SDC2: variants seen among roughly 807,000 people sequenced by gnomAD.
SDC2 encodes the protein syndecan-2.
Under a neutral mutation model 22.2 loss-of-function variants are expected in SDC2, and 13 were observed. The ratio of observed to expected loss-of-function variants is 0.59; its 90% CI spans 0.38 to 0.93. SDC2 has a LOEUF of 0.93. SDC2 is among the 40% of genes least tolerant of loss of function. The pLI is 0.00. For missense variants in SDC2, 235 were observed against 246.8 expected, an observed-to-expected ratio of 0.95 and a Z score of 0.32; for synonymous variants, 94 against 92.8, an observed-to-expected ratio of 1.01 and a Z score of -0.07.
chr8:96,562,625 T>C (rs1449323655), intron 1 of SDC2, among the ~76,000 whole-genome samples: 1 of 152,196 alleles, frequency 6.6e-6, no homozygotes, highest in African/African-American at 2.4e-5. Flanking sequence ...TTCTAACTGA[T>C]GAGATAATTA....
chr8:96,559,902 C>A (rs959700564), intron 1 of SDC2, among the ~76,000 whole-genome samples: 2 of 152,098 alleles, frequency 1.3e-5, no homozygotes, highest in Non-Finnish European at 2.9e-5. Context: ...AGTTTGTATT[C>A]TTGATAATTT....
intron 1 of SDC2, among the ~76,000 whole-genome samples, chr8:96,539,115 GTTTTTC>G (rs1196460312): frequency 1.3e-5 from 2 of 152,128 alleles, no homozygotes; most frequent in Admixed American, 6.5e-5. Context: ...TAATTTTCTC[GTTTTTC>G]TTTTAAATAA....
intron 1 of SDC2, among the ~76,000 whole-genome samples, chr8:96,513,974 G>A (rs760161513): frequency 5.3e-5 from 8 of 152,104 alleles, no homozygotes; most frequent in Admixed American, 1.3e-4. Flanking sequence ...GATTCTGTAC[G>A]ACATTTTAAA....
At chr8:96,494,929 C>G (rs560659499) in intron 1 of SDC2, among the ~76,000 whole-genome samples, 6 of 152,220 alleles carry the variant, frequency 3.9e-5, no homozygotes, top group African/African-American at 1.2e-4. Flanking sequence ...ACCGACACTA[C>G]GTGGAATCGC....
chr8:96,533,933 G>T (rs1221992715), intron 1 of SDC2, among the ~76,000 whole-genome samples: 1 of 152,180 alleles, frequency 6.6e-6, no homozygotes, highest in Non-Finnish European at 1.5e-5. Context: ...ATGGCGGGCT[G>T]CAGGTCCTGA....
At chr8:96,576,398 GATTTGCTTTATTATTCTC>G (rs1359848789) in intron 1 of SDC2, among the ~76,000 whole-genome samples, 1 of 21,304 alleles carries the variant, frequency 4.7e-5, no homozygotes, top group African/African-American at 1.3e-4. Flanking sequence ...TTTTTTACCA[GATTTGCTTTATTATTCTC>G]TTTTTTTTTT....
At chr8:96,608,776 C>T (rs1443186747) in intron 4 of SDC2, among the ~76,000 whole-genome samples, 2 of 150,570 alleles carry the variant, frequency 1.3e-5, no homozygotes, top group Non-Finnish European at 3.0e-5. Flanking sequence ...TGTGGAGATC[C>T]ATCAGTCTTG....
At chr8:96,601,660 G>C (rs200076923) in intron 2 of SDC2, among the ~76,000 whole-genome samples, 15 of 134,222 alleles carry the variant, frequency 1.1e-4, no homozygotes, top group Admixed American at 3.0e-4. Flanking sequence ...AAAAAAAAAA[G>C]AAACAAAACA....
At chr8:96,561,653 A>G (rs143377677) in intron 1 of SDC2, among the ~76,000 whole-genome samples, 59 of 152,336 alleles carry the variant, frequency 3.9e-4, no homozygotes, top group African/African-American at 1.2e-3. Context: ...TACCATGTCT[A>G]AAAAGCAAAT....
At chr8:96,526,257 G>A (rs1813576420) in intron 1 of SDC2, among the ~76,000 whole-genome samples, 1 of 151,750 alleles carries the variant, frequency 6.6e-6, no homozygotes, top group Admixed American at 6.6e-5. Flanking sequence ...AATTTAAATA[G>A]GCCTCTATAA....
At chr8:96,596,037 G>T (rs995243662) in intron 2 of SDC2, among the ~76,000 whole-genome samples, 1 of 152,180 alleles carries the variant, frequency 6.6e-6, no homozygotes, top group African/African-American at 2.4e-5. Context: ...AATTTGTGAA[G>T]CTTTTAACTG....
chr8:96,535,524 T>C (rs1352471828), intron 1 of SDC2, among the ~76,000 whole-genome samples: 1 of 152,234 alleles, frequency 6.6e-6, no homozygotes, highest in Non-Finnish European at 1.5e-5. Flanking sequence ...CTCAGATATT[T>C]CCTAAGGCCC....
At chr8:96,549,478 G>A (rs1813990765) in intron 1 of SDC2, among the ~76,000 whole-genome samples, 1 of 152,126 alleles carries the variant, frequency 6.6e-6, no homozygotes, top group Admixed American at 6.5e-5. Flanking sequence ...GCTGCAAACT[G>A]GGCAGCTCTT....
intron 1 of SDC2, among the ~76,000 whole-genome samples, chr8:96,559,013 G>A (rs1404143604): frequency 6.6e-6 from 1 of 152,146 alleles, no homozygotes; most frequent in Non-Finnish European, 1.5e-5. Flanking sequence ...TTTTTAGACT[G>A]TTTTTACATG....
chr8:96,570,691 G>C (rs1364015472), intron 1 of SDC2, among the ~76,000 whole-genome samples: 1 of 152,054 alleles, frequency 6.6e-6, no homozygotes, highest in Non-Finnish European at 1.5e-5. Flanking sequence ...GTACACACTG[G>C]AATTCAAACT....
intron 1 of SDC2, among the ~76,000 whole-genome samples, chr8:96,495,036 C>T (rs1813047582): frequency 6.6e-6 from 1 of 152,226 alleles, no homozygotes. Flanking sequence ...GCGGCGACCC[C>T]CTCCTCGTTG....
intron 1 of SDC2, among the ~76,000 whole-genome samples, chr8:96,506,739 C>T (rs1026913118): frequency 1.6e-4 from 24 of 152,232 alleles, no homozygotes; most frequent in Middle Eastern, 6.8e-3. Flanking sequence ...TGGCCGGGCA[C>T]GGTGGCTCAC....
chr8:96,550,033 G>C (rs1359413234), intron 1 of SDC2, among the ~76,000 whole-genome samples: 2 of 152,146 alleles, frequency 1.3e-5, no homozygotes, highest in African/African-American at 2.4e-5. Context: ...AGTACTTCCA[G>C]ATATAGACAG....
intron 1 of SDC2, among the ~76,000 whole-genome samples, chr8:96,548,432 A>G (rs896154539): frequency 6.6e-6 from 1 of 152,160 alleles, no homozygotes; most frequent in Non-Finnish European, 1.5e-5. Context: ...GGGATTCTCA[A>G]CTGGTAAGAA....
Sources: allele counts gnomAD v4.1 joint callset (sites outside exome capture counted in the v4.1 genomes callset), GRCh38; gene constraint gnomAD v4.1.1; transcripts MANE v1.5; gene names NCBI Gene and HGNC (gene_info 2026-07-23, HGNC 2026-07-21).